TRIM9: variants seen among roughly 807,000 people sequenced by gnomAD.
The protein encoded by TRIM9 is tripartite motif containing 9.
Under a neutral mutation model 78.3 loss-of-function variants are expected in TRIM9, and 26 were observed. That is an observed-to-expected ratio of 0.33 (90% CI 0.24 to 0.46). The LOEUF is 0.46. TRIM9 is among the 20% of genes least tolerant of loss of function. The probability of loss-of-function intolerance (pLI) is 1.00; values close to 1 mark genes in which losing one functional copy is unlikely to be tolerated. For synonymous variants in TRIM9, 398 were observed against 416.5 expected (o/e 0.96, Z 0.54); for missense variants, 787 against 1,036.4 (o/e 0.76, Z 3.30).
chr14:51,053,580 C>CTTTTTTTTTTT (rs1348456935), intron 1 of TRIM9, among the ~76,000 whole-genome samples: 1 of 74,812 alleles, frequency 1.3e-5, no homozygotes, highest in African/African-American at 4.7e-5. Flanking sequence ...TTTTAATTTT[C>CTTTTTTTTTTT]TTTTTTTTTT....
chr14:51,016,397 C>T (rs577120498), intron 3 of TRIM9, among the ~76,000 whole-genome samples: 7 of 151,868 alleles, frequency 4.6e-5, no homozygotes, highest in African/African-American at 7.3e-5. Flanking sequence ...CTAGGTTGCC[C>T]GCTCCTTATG....
At chr14:51,025,200 ACT>A in intron 2 of TRIM9, 63 bp downstream of exon 2, 3 of 1,390,446 alleles carry the variant, frequency 2.2e-6, no homozygotes, top group Non-Finnish European at 3.0e-6. Context: ...GGAGAAGGAA[ACT>A]CTCCCGCCAC....
intron 1 of TRIM9, among the ~76,000 whole-genome samples, chr14:51,054,058 C>T (rs929662366): frequency 6.6e-6 from 1 of 152,130 alleles, no homozygotes; most frequent in African/African-American, 2.4e-5. Flanking sequence ...CAGAGGCTGT[C>T]ACAGAATTAA....
intron 1 of TRIM9, among the ~76,000 whole-genome samples, chr14:51,071,387 GAAAAA>G (rs56726763): frequency 8.6e-5 from 10 of 115,930 alleles, no homozygotes; most frequent in Non-Finnish European, 5.3e-5. Context: ...AAAAAAAAAA[GAAAAA>G]AAAAAAAAAA....
At chr14:51,091,023 C>T (rs990159018) in intron 1 of TRIM9, 5 of 152,130 alleles carry the variant, frequency 3.3e-5, no homozygotes, top group African/African-American at 1.2e-4. Context: ...TCTACAAAAT[C>T]ACTTTTTTGG....
rs1300412991 is a variant in TRIM9, at chr14:50,982,031, G to T, written c.1931C>A (p.Thr644Asn). 2 of 1,614,178 alleles carry T rather than the reference G, an allele frequency of 1.2e-6. No individual in the cohort carries two copies. The highest frequency in any genetic ancestry group is 1.7e-6 in the Non-Finnish European group (2 of 1,180,024). The change falls in exon 11 of 13, where the codon ACC becomes AAC. Residue 644 changes from threonine to asparagine, a missense_variant. Physicochemically the swap from Thr to Asn is moderately conservative, Grantham distance 65. Around this residue, in one of 3 missense-constraint regions of TRIM9, gnomAD observed 421 missense variants for 514.3 expected, o/e 0.82. Transcript: ENST00000684578. ...IILSNDNLTV[T>N]CSSYDDRVVL... is the part of the protein sequence containing the mutation. ...CACCCGGTCATCATAGCTACTACAG[G>T]TCACTGTCAGGTTGTCATTGGAGAG...
At chr14:51,027,931 G>T (rs1227243982) in intron 1 of TRIM9, among the ~76,000 whole-genome samples, 2 of 151,818 alleles carry the variant, frequency 1.3e-5, no homozygotes, top group Non-Finnish European at 1.5e-5. Flanking sequence ...ACACTTAGAT[G>T]TTTCAGTACA....
Position 50,975,489 on chromosome 14 carries a change from G to A in TRIM9, c.*1802C>T, listed in dbSNP as rs1166812090. On this transcript the variant is annotated 3_prime_UTR_variant, in exon 13 of 13. Transcript: ENST00000684578. ...GTAAATCAAATATCAAACTAGTGTT[G>A]CCCTGCAACAGTTTTTCTGTAGCCA... 6.6e-6 allele frequency: 1 copy of A among 152,558 alleles called. No homozygotes were observed. The highest frequency in any genetic ancestry group is 1.5e-5 in the Non-Finnish European group (1 of 68,022). The allele number at this position is 152,558 out of a possible 1,614,324, so 9.5% of individuals were successfully genotyped here.
At chr14:51,039,940 C>T (rs2059451698) in intron 1 of TRIM9, among the ~76,000 whole-genome samples, 1 of 151,788 alleles carries the variant, frequency 6.6e-6, no homozygotes, top group African/African-American at 2.4e-5. Flanking sequence ...AGTAGAGACT[C>T]TAAATTTAAA....
chr14:51,058,959 G>T (rs2061116280), intron 1 of TRIM9, among the ~76,000 whole-genome samples: 1 of 152,216 alleles, frequency 6.6e-6, no homozygotes, highest in Non-Finnish European at 1.5e-5. Flanking sequence ...TAGAAGGAAA[G>T]AAGGGTTGCG....
chr14:51,092,089 T>C (rs1272011251), intron 1 of TRIM9, among the ~76,000 whole-genome samples: 2 of 152,228 alleles, frequency 1.3e-5, no homozygotes, highest in African/African-American at 4.8e-5. Context: ...AAGGATACTT[T>C]GTAGGGCAAT....
At chr14:51,061,798 T>G (rs2061374244) in intron 1 of TRIM9, among the ~76,000 whole-genome samples, 1 of 152,246 alleles carries the variant, frequency 6.6e-6, no homozygotes, top group South Asian at 2.1e-4. Flanking sequence ...CTCAGGGTTC[T>G]GTAAGCTTTT....
chr14:51,077,390 T>C (rs1164102638), intron 1 of TRIM9, among the ~76,000 whole-genome samples: 2 of 82,140 alleles, frequency 2.4e-5, no homozygotes, highest in East Asian at 4.7e-4. Flanking sequence ...AATTCTGTTT[T>C]TTTTTTTTTT....
At chr14:51,029,427 A>G (rs1406071085) in intron 1 of TRIM9, among the ~76,000 whole-genome samples, 1 of 152,114 alleles carries the variant, frequency 6.6e-6, no homozygotes, top group African/African-American at 2.4e-5. Flanking sequence ...GCCAAAGCCC[A>G]CTCCCGCTCC....
At chr14:51,063,133 G>A (rs911580099) in intron 1 of TRIM9, among the ~76,000 whole-genome samples, 4 of 152,064 alleles carry the variant, frequency 2.6e-5, no homozygotes, top group Non-Finnish European at 5.9e-5. Flanking sequence ...ATGAACAGAT[G>A]GGGAATTTCA....
chr14:51,087,019 G>T (rs370491659), intron 1 of TRIM9, among the ~76,000 whole-genome samples: 2 of 152,096 alleles, frequency 1.3e-5, no homozygotes, highest in Admixed American at 6.5e-5. Flanking sequence ...CAGCTGGGGT[G>T]GGGGGAGGTG....
chr14:51,079,245 T>C (rs1393690799), intron 1 of TRIM9, among the ~76,000 whole-genome samples: 1 of 152,224 alleles, frequency 6.6e-6, no homozygotes, highest in Non-Finnish European at 1.5e-5. Context: ...ATAATTGAAC[T>C]ATTTGGCTCC....
intron 11 of TRIM9, among the ~76,000 whole-genome samples, chr14:50,979,769 A>G (rs2139282529): frequency 6.6e-6 from 1 of 152,294 alleles, no homozygotes; most frequent in South Asian, 2.1e-4. Context: ...TAACAAGAGT[A>G]TGATTTTTTG....
intron 1 of TRIM9, among the ~76,000 whole-genome samples, chr14:51,028,659 A>G (rs2058463752): frequency 6.6e-6 from 1 of 152,218 alleles, no homozygotes; most frequent in Admixed American, 6.5e-5. Flanking sequence ...AGCTGTTTAT[A>G]ATGCCTAAGC....
Sources: gnomAD v4.1 joint callset for allele counts (sites outside exome capture counted in the v4.1 genomes callset) on GRCh38, gnomAD v4.1.1 for gene constraint, gnomAD v4.1.1 regional missense constraint, MANE v1.5 for transcripts, NCBI Gene and HGNC (gene_info 2026-07-23, HGNC 2026-07-21) for gene names.